Variants in NAV1 observed in about 807,000 individuals in gnomAD.
The protein encoded by NAV1 is neuron navigator 1, also known as pore membrane and/or filament interacting like protein 3.
NAV1 carries 18 observed loss-of-function variants against 175.2 expected under a neutral mutation model. The ratio of observed to expected loss-of-function variants is 0.10; its 90% CI spans 0.07 to 0.15. The LOEUF (loss-of-function observed/expected upper bound fraction) is 0.15. NAV1 is among the 10% of genes least tolerant of loss of function. NAV1 has a pLI of 1.00. For missense variants in NAV1, 1,731 were observed against 2,436.6 expected (o/e 0.71, Z 6.10); for synonymous variants, 897 against 978.7 (o/e 0.92, Z 1.56).
chr1:201,612,286 C>T (rs1667870069), intron 2 of NAV1, among the ~76,000 whole-genome samples: 1 of 152,024 alleles, frequency 6.6e-6, no homozygotes, highest in Non-Finnish European at 1.5e-5. Context: ...CTCGTCTCTA[C>T]AAAAAATTAA....
At chr1:201,729,702 C>T (rs1216586907) in intron 3 of NAV1, among the ~76,000 whole-genome samples, 4 of 151,980 alleles carry the variant, frequency 2.6e-5, no homozygotes, top group South Asian at 2.1e-4. Context: ...GTCAGGAGAT[C>T]GAGACCATCC....
At chr1:201,646,848 G>A (rs541851851), upstream of NAV1, among the ~76,000 whole-genome samples, 11 of 152,296 alleles carry the variant, frequency 7.2e-5, no homozygotes, top group Non-Finnish European at 1.5e-4. Flanking sequence ...GAGATCCTGC[G>A]CTGGCGGGGG....
At chr1:201,821,230 T>C (rs1344893502) in exon 30 of NAV1, 3 of 152,658 alleles carry the variant, frequency 2.0e-5, no homozygotes, top group Admixed American at 1.3e-4. Context: ...ACTATTCTGA[T>C]GGTGCCTGAC....
chr1:201,546,102 G>C (rs1665664580), intron 1 of NAV1, among the ~76,000 whole-genome samples: 1 of 152,146 alleles, frequency 6.6e-6, no homozygotes, highest in South Asian at 2.1e-4. Context: ...CACACGGTTA[G>C]GGGGCCCCAG....
At chr1:201,564,189 C>T (rs1209022369) in intron 1 of NAV1, among the ~76,000 whole-genome samples, 2 of 151,168 alleles carry the variant, frequency 1.3e-5, no homozygotes, top group South Asian at 4.1e-4. Context: ...CAGGCATCCT[C>T]GGCCCTGGCA....
chr1:201,555,783 CCAGAAAAGGGAGGGG>C (rs1665992159), intron 1 of NAV1, among the ~76,000 whole-genome samples: 3 of 148,142 alleles, frequency 2.0e-5, no homozygotes, highest in Admixed American at 1.4e-4. Flanking sequence ...GAAAGAGAGG[CCAGAAAAGGGAGGGG>C]CAGTGGGGAT....
At chr1:201,577,472 ATT>A (rs36112197) in intron 1 of NAV1, among the ~76,000 whole-genome samples, 50 of 97,902 alleles carry the variant, frequency 5.1e-4, no homozygotes, top group Middle Eastern at 0.013. Flanking sequence ...TGAGACTTAG[ATT>A]TTTTTTTTTT....
chr1:201,817,364 T>G (rs1034239908), intron 29 of NAV1, 79 bp downstream of exon 33: 32 of 1,344,830 alleles, frequency 2.4e-5, no homozygotes, highest in Non-Finnish European at 2.8e-5. Flanking sequence ...CTCACACCTG[T>G]AATCCCAGCA....
chr1:201,601,137 C>T lies in NAV1; in HGVS notation c.-33+12488C>T, dbSNP rs561430929. On this transcript the variant is annotated intron_variant, in intron 2 of 33. Transcript: ENST00000685211. ...GGGGACCACATAATTTACCTCAGCT[C>T]TAACATGGATAGCTGCTGTTGTCTG... is the stretch of plus-strand genomic sequence containing the variant. Among the ~76,000 whole-genome samples the T allele has an allele frequency of 2.4e-4, 37 of 152,334 alleles. No individual in the cohort carries two copies. The South Asian group carries it at 7.5e-3, about 31-fold the overall frequency.
intron 1 of NAV1, among the ~76,000 whole-genome samples, chr1:201,560,978 G>C (rs1571821331): frequency 6.6e-6 from 1 of 152,234 alleles, no homozygotes; most frequent in South Asian, 2.1e-4. Context: ...GTGGCGTGCA[G>C]CAGTCGCTAC....
chr1:201,545,290 G>C (rs1665633845), intron 1 of NAV1, among the ~76,000 whole-genome samples: 1 of 152,134 alleles, frequency 6.6e-6, no homozygotes, highest in African/African-American at 2.4e-5. Context: ...GACCATGTCA[G>C]ACCTGACTCA....
At position 201,681,743 on chromosome 1, in the gene NAV1, G is replaced by A. The variant is rs1350962781; in HGVS notation, c.758-31074G>A. Among the ~76,000 whole-genome samples the A allele has an allele frequency of 2.6e-5, 4 of 152,088 alleles. No homozygotes were observed. The East Asian group carries it at 7.7e-4, about 29-fold the overall frequency. On this transcript the variant is annotated intron_variant, in intron 1 of 29. Transcript: ENST00000367296. Reference sequence around the variant, plus strand: ...AATCCTAGCACTTGGGGGGCCGAGGGGGGCAGATCACTTGAGGTCAGGAGT... The same window carrying A: ...AATCCTAGCACTTGGGGGGCCGAGGAGGGCAGATCACTTGAGGTCAGGAGT...
At chr1:201,736,925 A>C (rs1673138210) in intron 3 of NAV1, among the ~76,000 whole-genome samples, 2 of 146,198 alleles carry the variant, frequency 1.4e-5, no homozygotes, top group African/African-American at 2.6e-5. Flanking sequence ...GCTGCCCCCC[A>C]CTCCCTGCAC....
rs560975617 is a variant in NAV1 at position 201,663,837 on chromosome 1, G to A, written c.757+14412G>A. 4.6e-5 allele frequency among the ~76,000 whole-genome samples: 7 copies of A among 152,246 alleles called. No homozygotes were observed. In the South Asian group the frequency reaches 1.0e-3, roughly 23 times the overall value. ...GGGAGATGGGAAAAAATTTGCCAAA[G>A]AGGATCTAGCCCTGCTTCTGAGCCA... On this transcript the variant is annotated intron_variant, in intron 1 of 29. Transcript: ENST00000367296.
At chr1:201,761,791 T>G (rs1674862346) in intron 3 of NAV1, among the ~76,000 whole-genome samples, 1 of 152,186 alleles carries the variant, frequency 6.6e-6, no homozygotes. Flanking sequence ...GTACAAGCAG[T>G]ACGAATGCTT....
At chr1:201,617,212 C>G (rs1249165105) in intron 2 of NAV1, among the ~76,000 whole-genome samples, 1 of 75,070 alleles carries the variant, frequency 1.3e-5, no homozygotes, top group Non-Finnish European at 2.2e-5. Context: ...CTCTGTCTCT[C>G]TCTCTCTCTC....
At chr1:201,601,206 G>A (rs930870044) in intron 2 of NAV1, among the ~76,000 whole-genome samples, 4 of 152,268 alleles carry the variant, frequency 2.6e-5, no homozygotes, top group Non-Finnish European at 5.9e-5. Flanking sequence ...TCCTGGCTGG[G>A]TGTAGTGGCT....
At chr1:201,581,685 C>T (rs982712660) in intron 1 of NAV1, among the ~76,000 whole-genome samples, 8 of 151,822 alleles carry the variant, frequency 5.3e-5, no homozygotes, top group East Asian at 3.9e-4. Context: ...AAAAATTAGC[C>T]GGGTGTCGTG....
rs567378100 is a variant in NAV1 at position 201,623,275 on chromosome 1, A to G, written c.-432A>G. 4.8e-4 allele frequency: 473 copies of G among 986,076 alleles called. 2 individuals are homozygous for G. Among genetic ancestry groups the G allele is most frequent in the Middle Eastern group, 2.1e-3 (4 of 1,914 alleles). 61.1% of individuals were successfully genotyped at this position (986,076 alleles called of 1,614,324 possible). A position where few individuals can be genotyped will look rare whatever the true frequency, so the allele number is the denominator to read the frequency against. ...GAGACAAGGCACCCAGGGAAAGAAG[A>G]AAAAAGCCCAGGAAGGGACTCCAGT... On this transcript the variant is annotated 5_prime_UTR_variant, in exon 1 of 30. Transcript: ENST00000367302.
Sources: allele counts gnomAD v4.1 joint callset (sites outside exome capture counted in the v4.1 genomes callset), GRCh38; gene constraint gnomAD v4.1.1; transcripts MANE v1.5; gene names NCBI Gene and HGNC (gene_info 2026-07-23, HGNC 2026-07-21).